Variants in CTNND2 observed in about 807,000 individuals in gnomAD.
CTNND2 encodes catenin delta 2.
CTNND2 carries 22 observed loss-of-function variants against 144.4 expected under a neutral mutation model. That is an observed-to-expected ratio of 0.15 (90% CI 0.11 to 0.22). The LOEUF is 0.22. CTNND2 is among the 10% of genes least tolerant of loss of function. The pLI is 1.00. For missense variants in CTNND2, 1,353 were observed against 1,618.8 expected, an observed-to-expected ratio of 0.84 and a Z score of 2.82; for synonymous variants, 751 against 695.6, an observed-to-expected ratio of 1.08 and a Z score of -1.25.
At chr5:11,364,975 T>C (rs1756827064) in intron 7 of CTNND2, 85 bp from the exon 8 acceptor site, 16 of 1,176,006 alleles carry the variant, frequency 1.4e-5, no homozygotes, top group Non-Finnish European at 1.9e-5. Context: ...CAAATTTTTT[T>C]GGACAAAATT....
At chr5:11,039,637 G>T (rs888225683) in intron 16 of CTNND2, among the ~76,000 whole-genome samples, 1 of 152,220 alleles carries the variant, frequency 6.6e-6, no homozygotes, top group Non-Finnish European at 1.5e-5. Flanking sequence ...GAAAAAGAGA[G>T]AGAGAAGGAA....
At chr5:11,103,206 T>C (rs959075932) in intron 14 of CTNND2, among the ~76,000 whole-genome samples, 3 of 151,708 alleles carry the variant, frequency 2.0e-5, no homozygotes, top group African/African-American at 7.3e-5. Context: ...GGTCTTGAAC[T>C]CCTGACCTCA....
intron 9 of CTNND2, among the ~76,000 whole-genome samples, chr5:11,241,087 C>A (rs1742384076): frequency 6.6e-6 from 1 of 150,790 alleles, no homozygotes; most frequent in Non-Finnish European, 1.5e-5. Context: ...ACACACACAC[C>A]CAATACACAC....
chr5:11,036,312 GAA>G (rs1461025616), intron 16 of CTNND2, among the ~76,000 whole-genome samples: 2 of 152,262 alleles, frequency 1.3e-5, no homozygotes, highest in East Asian at 3.9e-4. Context: ...GAGCCAAGCT[GAA>G]GTTACGTCTT....
chr5:11,365,885 A>G (rs914018710), intron 7 of CTNND2, among the ~76,000 whole-genome samples: 2 of 152,226 alleles, frequency 1.3e-5, no homozygotes, highest in African/African-American at 4.8e-5. Flanking sequence ...GAGAGGTGGC[A>G]TCTTCCATGT....
intron 10 of CTNND2, among the ~76,000 whole-genome samples, chr5:11,213,435 T>A (rs2149849858): frequency 6.6e-6 from 1 of 152,332 alleles, no homozygotes. Flanking sequence ...CAAAGAAAGC[T>A]GTTACCAGGG....
chr5:11,435,082 CTATT>C (rs1561389299), intron 3 of CTNND2, among the ~76,000 whole-genome samples: 2 of 151,870 alleles, frequency 1.3e-5, no homozygotes, highest in Non-Finnish European at 2.9e-5. Context: ...GACTGATACT[CTATT>C]TACAGATTAG....
chr5:11,197,192 A>G (rs1736946554), intron 11 of CTNND2, among the ~76,000 whole-genome samples: 1 of 152,244 alleles, frequency 6.6e-6, no homozygotes, highest in South Asian at 2.1e-4. Context: ...CATGATGGCA[A>G]CTTCAGAAAC....
chr5:11,548,661 T>C (rs1775473538), intron 3 of CTNND2, among the ~76,000 whole-genome samples: 1 of 152,178 alleles, frequency 6.6e-6, no homozygotes, highest in African/African-American at 2.4e-5. Context: ...TGACACAAAA[T>C]GTAACAATCT....
At position 11,199,565 on chromosome 5, in the gene CTNND2, C is replaced by T. The variant is rs1737219496; in HGVS notation, c.1858G>A (p.Val620Met). The T allele has an allele frequency of 2.5e-6, 4 of 1,614,060 alleles. No homozygotes were observed. The African/African-American group carries it at 5.3e-5, about 22-fold the overall frequency. Residue 620 changes from valine (V) to methionine (M), a missense_variant, in exon 11 of 22, where the codon GTG (valine) becomes ATG (methionine). Physicochemically the swap from Val to Met is conservative, Grantham distance 21. This residue lies in a region of CTNND2 where 69 missense variants were observed against 120.3 expected (regional missense o/e 0.57). Coordinates refer to ENST00000304623, the MANE Select transcript of CTNND2 (RefSeq NM_001332.4). The stretch of plus-strand genomic sequence containing the variant: ...TTATCATCGTTGGCCTTCCCATACA[C>T]CAGGTTTCTCAGAGCTCCACAGGCA... ...RSACGALRNL[V>M]YGKANDDNKI...
At chr5:11,104,706 A>G (rs865915815) in intron 14 of CTNND2, among the ~76,000 whole-genome samples, 1 of 152,208 alleles carries the variant, frequency 6.6e-6, no homozygotes, top group Non-Finnish European at 1.5e-5. Context: ...GCTGTTCAGA[A>G]GACTTCGGCT....
intron 12 of CTNND2, among the ~76,000 whole-genome samples, chr5:11,120,369 T>C (rs113907229): frequency 4.5e-4 from 54 of 120,056 alleles, no homozygotes; most frequent in East Asian, 1.9e-3. Context: ...AGGGGGTTAT[T>C]ATACTGTCTG....
At chr5:11,441,421 C>T (rs904395425) in intron 3 of CTNND2, among the ~76,000 whole-genome samples, 1 of 144,544 alleles carries the variant, frequency 6.9e-6, no homozygotes, top group Admixed American at 7.1e-5. Context: ...CTTTGTTGCC[C>T]AGGCTGGAGT....
chr5:11,884,526 A>C (rs554027724), intron 1 of CTNND2, among the ~76,000 whole-genome samples: 2 of 152,064 alleles, frequency 1.3e-5, no homozygotes, highest in African/African-American at 4.8e-5. Context: ...GTTCTGTTCC[A>C]TTGCTCTATA....
At position 11,697,092 on chromosome 5, in the gene CTNND2, G is replaced by C. The variant is rs186536454; in HGVS notation, c.174+35044C>G. 9.9e-5 allele frequency among the ~76,000 whole-genome samples: 15 copies of C among 152,240 alleles called. No homozygotes were observed. In the East Asian group the frequency reaches 2.9e-3, roughly 29 times the overall value. On this transcript the variant is annotated intron_variant, in intron 2 of 21. Transcript: ENST00000304623. ...GTTTTTGAAGACTGTTTAAGGAACC[G>C]GACAAATATCATTATGTATGTAAGT...
intron 2 of CTNND2, among the ~76,000 whole-genome samples, chr5:11,578,295 T>G (rs901352570): frequency 6.6e-6 from 1 of 152,220 alleles, no homozygotes; most frequent in African/African-American, 2.4e-5. Flanking sequence ...AACAGCCATA[T>G]TGTTACTCTA....
At chr5:11,778,789 C>A (rs933707819) in intron 1 of CTNND2, among the ~76,000 whole-genome samples, 1 of 152,154 alleles carries the variant, frequency 6.6e-6, no homozygotes, top group Non-Finnish European at 1.5e-5. Flanking sequence ...AATAATGCAT[C>A]AATATTGGAT....
intron 1 of CTNND2, among the ~76,000 whole-genome samples, chr5:11,800,729 A>G (rs996530590): frequency 1.3e-5 from 2 of 152,218 alleles, no homozygotes; most frequent in Admixed American, 1.3e-4. Context: ...TTCTTTTAGT[A>G]GAATAACAGC....
chr5:11,488,678 TA>T (rs944239583), intron 3 of CTNND2, among the ~76,000 whole-genome samples: 3 of 152,186 alleles, frequency 2.0e-5, no homozygotes, highest in Admixed American at 1.3e-4. Flanking sequence ...TTCAACTACC[TA>T]AAAATTTCCC....
Sources: allele counts gnomAD v4.1 joint callset (sites outside exome capture counted in the v4.1 genomes callset), GRCh38; gene constraint gnomAD v4.1.1; regional missense constraint gnomAD v4.1.1; transcripts MANE v1.5; gene names NCBI Gene and HGNC (gene_info 2026-07-23, HGNC 2026-07-21).